The following TENT4A variants were observed in gnomAD, a reference collection of about 807,000 sequenced individuals.
TENT4A encodes DNA polymerase kappa.
A neutral mutation model predicts 72.8 loss-of-function variants in TENT4A; 7 were observed. The observed-to-expected ratio is 0.10, with a 90% CI of 0.05 to 0.18. TENT4A has a LOEUF of 0.18. Among genes scored for constraint, TENT4A ranks in the 10% least tolerant of loss-of-function variants. The pLI is 1.00. For synonymous variants in TENT4A, 456 were observed against 434.3 expected, an observed-to-expected ratio of 1.05 and a Z score of -0.62; for missense variants, 831 against 1,017.7, an observed-to-expected ratio of 0.82 and a Z score of 2.50.
intron 4 of TENT4A, among the ~76,000 whole-genome samples, chr5:6,741,752 TGCCTATCACTG>T (rs1741817754): frequency 6.6e-6 from 1 of 152,254 alleles, no homozygotes; most frequent in East Asian, 1.9e-4. Flanking sequence ...GTCCCTACGT[TGCCTATCACTG>T]GCATTTGAAC....
chr5:6,745,665 T>C (rs899249847), intron 6 of TENT4A, among the ~76,000 whole-genome samples: 1 of 152,220 alleles, frequency 6.6e-6, no homozygotes, highest in African/African-American at 2.4e-5. Context: ...GATATGGCAC[T>C]GAACTGAGAG....
chr5:6,751,232 C>A (rs780938639), intron 11 of TENT4A, 35 bp downstream of exon 11: 2 of 1,609,782 alleles, frequency 1.2e-6, no homozygotes, highest in Non-Finnish European at 1.7e-6. Context: ...CCGCTGGTGG[C>A]CCCTGGGAAC....
chr5:6,756,264 C>T lies in TENT4A; in HGVS notation c.*1319C>T, dbSNP rs984955765. The T allele has an allele frequency of 1.3e-5, 2 of 152,588 alleles. No homozygotes were observed. Among genetic ancestry groups the T allele is most frequent in the Admixed American group, 6.5e-5 (1 of 15,276 alleles). The allele number at this position is 152,588 out of a possible 1,614,324, so 9.5% of individuals were successfully genotyped here. A position where few individuals can be genotyped will look rare whatever the true frequency, so the allele number is the denominator to read the frequency against. On this transcript the variant is annotated 3_prime_UTR_variant, in exon 13 of 13. Transcript: ENST00000230859. ...TTTTTTGAACAAGAATATATCCATC[C>T]TGCCTAACCCTGAGTTTTTGGAGCA...
intron 12 of TENT4A, 59 bp from the exon 13 acceptor site, chr5:6,754,692 G>A: frequency 7.2e-7 from 1 of 1,393,586 alleles, no homozygotes; most frequent in Middle Eastern, 1.9e-4. Flanking sequence ...CACTGCCCGA[G>A]GACGTGGGCA....
intron 8 of TENT4A, 114 bp downstream of exon 8, chr5:6,748,704 A>G: frequency 2.7e-6 from 3 of 1,106,436 alleles, no homozygotes; most frequent in South Asian, 3.2e-5. Flanking sequence ...GCCGTATTTC[A>G]GTAGAATCTA....
At chr5:6,744,628 G>A (rs1741987410) in intron 6 of TENT4A, among the ~76,000 whole-genome samples, 1 of 152,148 alleles carries the variant, frequency 6.6e-6, no homozygotes, top group South Asian at 2.1e-4. Context: ...AGAATCACTG[G>A]GTAACTACCT....
In TENT4A at chr5:6,750,350, A is replaced by G. The variant is rs1305146405; in HGVS notation, c.1707A>G (p.Lys569=). 13 of 1,611,594 alleles carry G rather than the reference A, an allele frequency of 8.1e-6. No homozygotes were observed. Among genetic ancestry groups the G allele is most frequent in the African/African-American group, 2.7e-5 (2 of 74,722 alleles). The change falls in exon 10 of 13, where the codon AAA becomes AAG. Residue 569 remains lysine, a synonymous_variant. Transcript: ENST00000230859. ...CCACAGACAGCAGGATCAAGATCAA[A>G]GAGCGAATAGCCACATGCAATGGGG... The part of the protein sequence containing the change: ...SPGMDSRIKI[K]ERIATCNGEQ...
intron 12 of TENT4A, among the ~76,000 whole-genome samples, chr5:6,753,590 A>G (rs1742531598): frequency 6.6e-6 from 1 of 152,176 alleles, no homozygotes; most frequent in Non-Finnish European, 1.5e-5. Context: ...AAGTCTCTAT[A>G]TTCTTGAAGT....
chr5:6,714,410 G>A lies in TENT4A; in HGVS notation c.427G>A (p.Gly143Ser). The A allele has an allele frequency of 8.7e-7, 1 of 1,145,776 alleles. No homozygotes were observed. Among genetic ancestry groups the A allele is most frequent in the Non-Finnish European group, 1.1e-6 (1 of 933,290 alleles). 71.0% of individuals were successfully genotyped at this position (1,145,776 alleles called of 1,614,324 possible). ...SSSASLGRPG[G>S]GRGGAFFNFA... ...CAGCGCCTCGCTGGGCCGGCCGGGCGGCGGCCGCGGCGGCGCCTTCTTCAA... is the reference window on the plus strand; with the variant it reads ...CAGCGCCTCGCTGGGCCGGCCGGGCAGCGGCCGCGGCGGCGCCTTCTTCAA... The change falls in exon 1 of 13, where the codon GGC becomes AGC. Residue 143 changes from glycine to serine, a missense_variant. Transcript: ENST00000230859.
At chr5:6,734,318 C>T (rs761875848) in intron 1 of TENT4A, among the ~76,000 whole-genome samples, 3 of 152,248 alleles carry the variant, frequency 2.0e-5, no homozygotes, top group Non-Finnish European at 2.9e-5. Flanking sequence ...CAACCCTCGC[C>T]CTCTGAGGGC....
At chr5:6,739,908 T>C in intron 4 of TENT4A, 56 bp downstream of exon 4, 20 of 1,578,930 alleles carry the variant, frequency 1.3e-5, no homozygotes, top group Non-Finnish European at 1.6e-5. Context: ...ACATCCCAGG[T>C]GGTCACAGGA....
chr5:6,718,890 G>T (rs945720879), intron 1 of TENT4A, among the ~76,000 whole-genome samples: 2 of 152,058 alleles, frequency 1.3e-5, no homozygotes, highest in African/African-American at 4.8e-5. Flanking sequence ...GGCTGCCCAG[G>T]AGGGCATGAC....
intron 1 of TENT4A, among the ~76,000 whole-genome samples, chr5:6,728,880 C>G (rs1331685494): frequency 6.6e-6 from 1 of 152,144 alleles, no homozygotes; most frequent in Admixed American, 6.5e-5. Context: ...CAGAAACTAC[C>G]TATAATTTTT....
chr5:6,720,661 C>T lies in TENT4A; in HGVS notation c.716+5962C>T, dbSNP rs368455892. Among the ~76,000 whole-genome samples the T allele has an allele frequency of 3.0e-3, 443 of 149,038 alleles. 2 individuals carry two copies. Among genetic ancestry groups the T allele is most frequent in the African/African-American group, 0.01 (418 of 40,308 alleles). ...ACAGCACTCTAGCCTGGTGACAGAG[C>T]GAGACTCTGTCTCAAAATAAATAAA... On this transcript the variant is annotated intron_variant, in intron 1 of 12. Coordinates refer to ENST00000230859, the MANE Select transcript of TENT4A (RefSeq NM_006999.6).
rs1422220214 is a variant in TENT4A at position 6,737,552 on chromosome 5, T to G, written c.759T>G (p.Pro253=). ...TTGACTTTTATAACTTCATGTCCCC[T>G]TGTCCTGAAGAAGCAGCTATGAGAA... ...EIIDFYNFMS[P]CPEEAAMRRE... The change falls in exon 2 of 13, where the codon CCT becomes CCG. Residue 253 remains proline, a synonymous_variant. Coordinates refer to ENST00000230859, the MANE Select transcript of TENT4A (RefSeq NM_006999.6). 2 of 1,613,714 alleles carry G rather than the reference T, an allele frequency of 1.2e-6. No homozygotes were observed. Among genetic ancestry groups the G allele is most frequent in the Admixed American group, 1.7e-5 (1 of 59,968 alleles).
chr5:6,742,732 T>C (rs966871434), intron 5 of TENT4A, 135 bp downstream of exon 5: 10 of 585,690 alleles, frequency 1.7e-5, no homozygotes, highest in Non-Finnish European at 2.5e-5. Flanking sequence ...ACATTATTTC[T>C]CCTACAATAT....
In TENT4A at chr5:6,750,985, G is replaced by C. The variant is rs1049218525; in HGVS notation, c.1861-54G>C. 15 of 1,575,128 alleles carry C rather than the reference G, an allele frequency of 9.5e-6. No individual in the cohort carries two copies. The African/African-American group carries it at 1.9e-4, about 20-fold the overall frequency. On this transcript the variant is annotated intron_variant, in intron 10 of 12. Transcript: ENST00000230859. ...TTCTTTTCATAGCTTTAAGGAAGTA[G>C]TAGTGCACCTTTGTGGTACAGCTGT...
At chr5:6,718,661 A>G (rs1314368414) in intron 1 of TENT4A, among the ~76,000 whole-genome samples, 1 of 152,188 alleles carries the variant, frequency 6.6e-6, no homozygotes, top group Admixed American at 6.5e-5. Flanking sequence ...TAATTTCATC[A>G]ATTAACTCTT....
At chr5:6,734,955 TGTTGA>T (rs974750515) in intron 1 of TENT4A, among the ~76,000 whole-genome samples, 5 of 152,184 alleles carry the variant, frequency 3.3e-5, no homozygotes, top group African/African-American at 1.2e-4. Flanking sequence ...TTTCCTGGAG[TGTTGA>T]GCATCTCTTG....
Sources: gnomAD v4.1 joint callset for allele counts (sites outside exome capture counted in the v4.1 genomes callset) on GRCh38, gnomAD v4.1.1 for gene constraint, MANE v1.5 for transcripts, NCBI Gene and HGNC (gene_info 2026-07-23, HGNC 2026-07-21) for gene names.